VPS33A: variants seen among roughly 807,000 people sequenced by gnomAD.
VPS33A encodes the protein VPS33A core subunit of CORVET and HOPS complexes.
VPS33A carries 32 observed loss-of-function variants against 71.8 expected under a neutral mutation model. The observed-to-expected ratio is 0.45, with a 90% CI of 0.34 to 0.60. The LOEUF (loss-of-function observed/expected upper bound fraction) is 0.60. Ranked by LOEUF, VPS33A falls within the 20% of genes least tolerant of loss-of-function variation. The probability of loss-of-function intolerance (pLI) is 0.02; values close to 1 mark genes in which losing one functional copy is unlikely to be tolerated. For synonymous variants in VPS33A, 311 were observed against 292.7 expected, an observed-to-expected ratio of 1.06 and a Z score of -0.64; for missense variants, 625 against 748.5, an observed-to-expected ratio of 0.84 and a Z score of 1.92.
chr12:122,239,747 CTCAA>C lies in VPS33A; in HGVS notation c.1164+127_1164+130del, dbSNP rs1954686258. On this transcript the variant is annotated intron_variant, in intron 9 of 12. Coordinates refer to ENST00000267199, the MANE Select transcript of VPS33A (RefSeq NM_022916.6). The stretch of plus-strand genomic sequence containing the variant: ...TGGGTGACACACAGTGAGACTCCGT[CTCAA>C]AAAAAAAAAAAAAAAAAAAAAAAAA... 3.5e-4 allele frequency: 114 copies of C among 324,098 alleles called. 1 individual carries two copies. Among genetic ancestry groups the C allele is most frequent in the African/African-American group, 1.1e-3 (19 of 17,228 alleles). The allele number at this position is 324,098 out of a possible 1,614,324, so 20.1% of individuals were successfully genotyped here. A position where few individuals can be genotyped will look rare whatever the true frequency, so the allele number is the denominator to read the frequency against.
rs1370321657 is a variant in VPS33A at position 122,250,915 on chromosome 12, T to TC, written c.600+67dup. On this transcript the variant is annotated intron_variant, in intron 5 of 12. Transcript: ENST00000267199. Reference sequence around the variant, plus strand: ...CAACTGAATTTGTTTGTAAGGAGCTTCCCGTTCCTCCTCCCTTTTGGGGTG... The same window carrying TC: ...CAACTGAATTTGTTTGTAAGGAGCTTCCCCGTTCCTCCTCCCTTTTGGGGTG... 36 of 1,137,370 alleles carry TC rather than the reference T, an allele frequency of 3.2e-5. No homozygotes were observed. In the East Asian group the frequency reaches 7.9e-4, roughly 25 times the overall value. The allele number at this position is 1,137,370 out of a possible 1,614,324, so 70.5% of individuals were successfully genotyped here. A position where few individuals can be genotyped will look rare whatever the true frequency, so the allele number is the denominator to read the frequency against.
chr12:122,266,001 G>C (rs1426514735), intron 1 of VPS33A, among the ~76,000 whole-genome samples: 2 of 152,188 alleles, frequency 1.3e-5, no homozygotes, highest in Admixed American at 1.3e-4. Context: ...TCACCCGTCC[G>C]GTGCCTCGGC....
chr12:122,244,543 A>C (rs1954752578), intron 7 of VPS33A, 26 bp downstream of exon 7: 1 of 1,567,486 alleles, frequency 6.4e-7, no homozygotes, highest in South Asian at 1.1e-5. Context: ...CTAGAGTTGC[A>C]GAATGACACC....
chr12:122,265,440 T>C (rs1267637381), intron 1 of VPS33A, among the ~76,000 whole-genome samples: 2 of 152,110 alleles, frequency 1.3e-5, no homozygotes, highest in African/African-American at 4.8e-5. Flanking sequence ...TAACGTTTAG[T>C]TAAAAGAAAT....
chr12:122,259,678 A>G (rs1954967209), intron 4 of VPS33A, among the ~76,000 whole-genome samples: 1 of 152,134 alleles, frequency 6.6e-6, no homozygotes, highest in South Asian at 2.1e-4. Context: ...CTATTCAGCA[A>G]TAAGAAGGAA....
intron 8 of VPS33A, chr12:122,240,888 C>A (rs1466146324): frequency 2.6e-5 from 4 of 152,168 alleles, no homozygotes; most frequent in Non-Finnish European, 5.9e-5. Flanking sequence ...GTAATCCCAG[C>A]ACTTTGGGAG....
rs147518845 is a variant in VPS33A at position 122,231,848 on chromosome 12, G to A, written c.*398C>T. 5.7e-3 allele frequency: 1,874 copies of A among 327,788 alleles called. 33 individuals carry two copies. Among genetic ancestry groups the A allele is most frequent in the East Asian group, 0.018 (401 of 21,992 alleles). The allele number at this position is 327,788 out of a possible 1,614,324, so 20.3% of individuals were successfully genotyped here. ...GAGGCAGGTGGATCACCTGAGGTCA[G>A]GAGTTTGAGACCAGCCTGGCCAACA... On this transcript the variant is annotated 3_prime_UTR_variant, in exon 13 of 13. Coordinates refer to ENST00000267199, the MANE Select transcript of VPS33A (RefSeq NM_022916.6).
rs1389707010 is a variant in VPS33A at position 122,231,097 on chromosome 12, G to C, written c.*1149C>G. 2.0e-5 allele frequency: 3 copies of C among 152,264 alleles called. No homozygotes were observed. Among genetic ancestry groups the C allele is most frequent in the Non-Finnish European group, 4.4e-5 (3 of 68,056 alleles). The allele number at this position is 152,264 out of a possible 1,614,324, so 9.4% of individuals were successfully genotyped here. A position where few individuals can be genotyped will look rare whatever the true frequency, so the allele number is the denominator to read the frequency against. On this transcript the variant is annotated 3_prime_UTR_variant, in exon 13 of 13. Coordinates refer to ENST00000267199, the MANE Select transcript of VPS33A (RefSeq NM_022916.6). ...CCCCTGCTCACTGTGGGACCAGTTG[G>C]ATGTTGGGCCCTTGATGGACAGAAG...
Position 122,239,916 on chromosome 12 carries a change from C to T in VPS33A, c.1126G>A (p.Val376Met), listed in dbSNP as rs371664986. Residue 376 changes from valine to methionine, a missense_variant, in exon 9 of 13, where the codon GTG becomes ATG. By Grantham distance (21) the Val-to-Met change is conservative (BLOSUM62 1). Transcript: ENST00000267199. ...TSEDFFDKLT[V>M]EQEFMSGIDT... is the part of the protein sequence containing the mutation. The stretch of plus-strand genomic sequence containing the variant: ...ATTCCAGACATAAACTCCTGTTCCA[C>T]GGTTAATTTATCAAAAAAGTCTTCA... 1.8e-4 allele frequency: 283 copies of T among 1,613,538 alleles called. No homozygotes were observed. The highest frequency in any genetic ancestry group is 7.6e-4 in the East Asian group (34 of 44,874).
intron 7 of VPS33A, 121 bp downstream of exon 7, chr12:122,244,448 G>T: frequency 1.2e-6 from 1 of 834,798 alleles, no homozygotes; most frequent in South Asian, 2.6e-5. Context: ...TACTGAAGAT[G>T]AGAAAAGTTG....
At chr12:122,246,599 A>G (rs1275217927) in intron 6 of VPS33A, among the ~76,000 whole-genome samples, 1 of 137,296 alleles carries the variant, frequency 7.3e-6, no homozygotes, top group African/African-American at 2.6e-5. Context: ...GTGTCCAGCC[A>G]CTTTTTGGTT....
chr12:122,266,083 C>T (rs1427766067), intron 1 of VPS33A, among the ~76,000 whole-genome samples: 1 of 152,234 alleles, frequency 6.6e-6, no homozygotes, highest in Non-Finnish European at 1.5e-5. Flanking sequence ...TTACTCTGCT[C>T]TCACAAAACA....
intron 9 of VPS33A, among the ~76,000 whole-genome samples, chr12:122,239,523 C>CG (rs1555247782): frequency 6.6e-5 from 10 of 151,924 alleles, no homozygotes; most frequent in Non-Finnish European, 1.5e-4. Context: ...ATCACAAGGT[C>CG]GGAGATCGAG....
intron 4 of VPS33A, among the ~76,000 whole-genome samples, chr12:122,258,986 C>CAAAAA (rs749562489): frequency 3.8e-5 from 2 of 53,206 alleles, no homozygotes; most frequent in African/African-American, 5.2e-5. Flanking sequence ...CAATCCATCT[C>CAAAAA]AAAAAAAAAA....
At position 122,266,412 on chromosome 12, in the gene VPS33A, G is replaced by C. The variant is rs1410497253; in HGVS notation, c.-4C>G. 1.9e-6 allele frequency: 3 copies of C among 1,609,112 alleles called. No homozygotes were observed. The East Asian group carries it at 6.7e-5, about 36-fold the overall frequency. ...CGTAGGACAGATGAGCCGCCATCTT[G>C]CTCCACCACCCCCTGCCCCACAACG... On this transcript the variant is annotated 5_prime_UTR_variant, in exon 1 of 13. Transcript: ENST00000267199.
chr12:122,233,968 T>C (rs569360203), intron 11 of VPS33A, among the ~76,000 whole-genome samples: 47 of 152,252 alleles, frequency 3.1e-4, no homozygotes, highest in African/African-American at 1.1e-3. Context: ...TTAATTTTGC[T>C]CCTGACAGAG....
chr12:122,252,797 G>C (rs533072866), intron 4 of VPS33A: 9 of 152,288 alleles, frequency 5.9e-5, no homozygotes, highest in African/African-American at 2.2e-4. Flanking sequence ...TCCACATAGG[G>C]CAAGTATTAA....
chr12:122,250,158 A>G, intron 5 of VPS33A, 113 bp from the exon 6 acceptor site: 1 of 1,147,292 alleles, frequency 8.7e-7, no homozygotes. Flanking sequence ...AAACTGGAAG[A>G]GTGCATTGCT....
chr12:122,236,253 G>A (rs776697540), intron 10 of VPS33A, among the ~76,000 whole-genome samples: 3 of 152,054 alleles, frequency 2.0e-5, no homozygotes, highest in Non-Finnish European at 4.4e-5. Flanking sequence ...CTAAAAAAGA[G>A]TAAGGCATAT....
Sources: gnomAD v4.1 joint callset for allele counts (sites outside exome capture counted in the v4.1 genomes callset) on GRCh38, gnomAD v4.1.1 for gene constraint, MANE v1.5 for transcripts, NCBI Gene and HGNC (gene_info 2026-07-23, HGNC 2026-07-21) for gene names.